STAU2: variants seen among roughly 807,000 people sequenced by gnomAD.
STAU2 encodes the protein staufen double-stranded RNA binding protein 2.
STAU2 carries 20 observed loss-of-function variants against 65.9 expected under a neutral mutation model. That is an observed-to-expected ratio of 0.30 (90% CI 0.21 to 0.44). The LOEUF is 0.44. STAU2 is among the 20% of genes least tolerant of loss of function. The pLI is 1.00. For synonymous variants in STAU2, 232 were observed against 233.9 expected, an observed-to-expected ratio of 0.99 and a Z score of 0.07; for missense variants, 558 against 683.9, an observed-to-expected ratio of 0.82 and a Z score of 2.05.
At chr8:73,694,801 G>C (rs1819590902) in intron 4 of STAU2, among the ~76,000 whole-genome samples, 1 of 152,206 alleles carries the variant, frequency 6.6e-6, no homozygotes, top group East Asian at 1.9e-4. Flanking sequence ...TTTGAGGGAG[G>C]AGAGCACGGC....
At chr8:73,645,538 C>T (rs1047336331) in intron 6 of STAU2, among the ~76,000 whole-genome samples, 5 of 152,172 alleles carry the variant, frequency 3.3e-5, no homozygotes, top group Non-Finnish European at 4.4e-5. Context: ...GCAAGGAGGT[C>T]CACTCCCACT....
Position 73,452,362 on chromosome 8 carries a change from C to A in STAU2, c.1531-29660G>T, listed in dbSNP as rs186631282. On this transcript the variant is annotated intron_variant, in intron 13 of 14. Coordinates refer to ENST00000524300, the MANE Select transcript of STAU2 (RefSeq NM_001164380.2). Reference sequence around the variant, plus strand: ...CCTGGTCAGGGCCACTCTTGCAAACCTCGCCTGGGCCCAGCCCACCCAGTG... The same window carrying A: ...CCTGGTCAGGGCCACTCTTGCAAACATCGCCTGGGCCCAGCCCACCCAGTG... Among the ~76,000 whole-genome samples, 3 of 152,312 alleles carry A rather than the reference C, an allele frequency of 2.0e-5. No homozygotes were observed. In the East Asian group the frequency reaches 5.8e-4, roughly 29 times the overall value.
chr8:73,521,964 G>T (rs1585924627), intron 13 of STAU2, among the ~76,000 whole-genome samples: 1 of 152,162 alleles, frequency 6.6e-6, no homozygotes, highest in African/African-American at 2.4e-5. Context: ...TTAATGCTTG[G>T]TTAGGTGGTT....
At chr8:73,682,585 CA>C (rs1818510633) in intron 5 of STAU2, among the ~76,000 whole-genome samples, 1 of 151,680 alleles carries the variant, frequency 6.6e-6, no homozygotes, top group African/African-American at 2.4e-5. Context: ...AAGAACAAAC[CA>C]AACCCAGCAG....
At chr8:73,668,205 C>T (rs1356668051) in intron 6 of STAU2, among the ~76,000 whole-genome samples, 2 of 151,780 alleles carry the variant, frequency 1.3e-5, no homozygotes, top group African/African-American at 4.8e-5. Context: ...TGAAGTATAG[C>T]AAATGGGAAT....
chr8:73,680,197 CA>C (rs1445556218), intron 5 of STAU2, among the ~76,000 whole-genome samples: 1 of 151,324 alleles, frequency 6.6e-6, no homozygotes, highest in Admixed American at 6.6e-5. Context: ...ATGGAAAGTA[CA>C]GATATGAGAA....
intron 3 of STAU2, among the ~76,000 whole-genome samples, chr8:73,718,905 T>C (rs781496191): frequency 2.2e-4 from 34 of 152,236 alleles, no homozygotes; most frequent in Non-Finnish European, 4.0e-4. Context: ...TCTGCTATAG[T>C]AATTTATTAG....
chr8:73,429,413 CTTTTTTTTTTTTTTTTTTTTTTTTT>C (rs71561522), intron 13 of STAU2, among the ~76,000 whole-genome samples: 5 of 65,312 alleles, frequency 7.7e-5, no homozygotes, highest in African/African-American at 1.3e-4. Flanking sequence ...TTGCTCAGGT[CTTTTTTTTTTTTTTTTTTTTTTTTT>C]TTTTTTTTTT....
intron 4 of STAU2, among the ~76,000 whole-genome samples, chr8:73,691,649 T>A (rs13251768): frequency 6.6e-6 from 1 of 151,790 alleles, no homozygotes; most frequent in Non-Finnish European, 1.5e-5. Flanking sequence ...CAATGATATG[T>A]GGACAATATC....
chr8:73,732,352 C>T (rs1365999121), intron 3 of STAU2, among the ~76,000 whole-genome samples: 1 of 152,182 alleles, frequency 6.6e-6, no homozygotes, highest in East Asian at 1.9e-4. Context: ...AAGAAATGAT[C>T]CATCACTTCT....
At chr8:73,727,485 G>A (rs547965918) in intron 3 of STAU2, among the ~76,000 whole-genome samples, 242 of 152,316 alleles carry the variant, frequency 1.6e-3, no homozygotes, top group African/African-American at 5.4e-3. Flanking sequence ...GTGACCATTT[G>A]TGTGTGTCTT....
rs1040177807 is a variant in STAU2, at chr8:73,466,522, G to A, written c.1531-43820C>T. Among the ~76,000 whole-genome samples, 6 of 152,238 alleles carry A rather than the reference G, an allele frequency of 3.9e-5. No homozygotes were observed. The South Asian group carries it at 6.2e-4, about 16-fold the overall frequency. ...CTTAAGCCAGTGTCAAGAGGTTGGCGAATGGAAGAATGTGACACAGAAGAG... is the reference window on the plus strand; with the variant it reads ...CTTAAGCCAGTGTCAAGAGGTTGGCAAATGGAAGAATGTGACACAGAAGAG... On this transcript the variant is annotated intron_variant, in intron 13 of 14. Transcript: ENST00000524300.
chr8:73,425,053 G>A (rs1816694839), intron 13 of STAU2, among the ~76,000 whole-genome samples: 1 of 152,166 alleles, frequency 6.6e-6, no homozygotes, highest in South Asian at 2.1e-4. Flanking sequence ...TTTGATGGGA[G>A]GTAGGCGCTA....
At chr8:73,721,214 C>T (rs947760444) in intron 3 of STAU2, among the ~76,000 whole-genome samples, 1 of 139,122 alleles carries the variant, frequency 7.2e-6, no homozygotes, top group African/African-American at 2.7e-5. Context: ...TGTTTGAGCC[C>T]AGGAGGTCAA....
intron 10 of STAU2, among the ~76,000 whole-genome samples, chr8:73,596,006 G>A (rs937257768): frequency 2.6e-5 from 4 of 152,186 alleles, no homozygotes; most frequent in South Asian, 2.1e-4. Flanking sequence ...TAGCTACTCA[G>A]GAGGCTGAGG....
rs141117245 is a variant in STAU2, at chr8:73,624,836, C to T, written c.411-7385G>A. Among the ~76,000 whole-genome samples, 13 of 152,286 alleles carry T rather than the reference C, an allele frequency of 8.5e-5. No individual in the cohort carries two copies. The East Asian group carries it at 2.1e-3, about 25-fold the overall frequency. On this transcript the variant is annotated intron_variant, in intron 6 of 14. Coordinates refer to ENST00000524300, the MANE Select transcript of STAU2 (RefSeq NM_001164380.2). ...CTGGCAGATTCTGAAGATCTCTGTA[C>T]GCCAAAAGTCAGGTGCAGGATATCA...
At chr8:73,576,277 A>T (rs1415332689) in intron 12 of STAU2, among the ~76,000 whole-genome samples, 5 of 152,202 alleles carry the variant, frequency 3.3e-5, no homozygotes, top group Non-Finnish European at 7.3e-5. Context: ...TCATTATGGG[A>T]TATTCACATA....
chr8:73,423,634 G>A (rs1482414386), intron 13 of STAU2, among the ~76,000 whole-genome samples: 3 of 152,144 alleles, frequency 2.0e-5, no homozygotes, highest in African/African-American at 7.2e-5. Context: ...AGCTCTTGGC[G>A]GTTTCCCAAA....
chr8:73,742,160 T>G, intron 1 of STAU2: 1 of 973,214 alleles, frequency 1.0e-6, no homozygotes, highest in Non-Finnish European at 1.2e-6. Context: ...TACTGTCACA[T>G]ATTTTAAACA....
Sources: allele counts gnomAD v4.1 joint callset (sites outside exome capture counted in the v4.1 genomes callset), GRCh38; gene constraint gnomAD v4.1.1; transcripts MANE v1.5; gene names NCBI Gene and HGNC (gene_info 2026-07-23, HGNC 2026-07-21).